MXRA7: variants seen among roughly 807,000 people sequenced by gnomAD.
MXRA7 encodes matrix remodeling associated 7, also known as matrix-remodeling-associated protein 7.
MXRA7 carries 18 observed loss-of-function variants against 17.4 expected under a neutral mutation model. That is an observed-to-expected ratio of 1.03 (90% CI 0.71 to 1.53). The LOEUF is 1.53. Among genes scored for constraint, MXRA7 ranks in the 40% most tolerant of loss-of-function variants. MXRA7 has a pLI of 0.00. For missense variants in MXRA7, 141 were observed against 209.3 expected (o/e 0.67, Z 2.01); for synonymous variants, 70 against 101.7 (o/e 0.69, Z 1.87).
intron 1 of MXRA7, among the ~76,000 whole-genome samples, chr17:76,697,260 G>A (rs1309923357): frequency 2.0e-5 from 3 of 152,208 alleles, no homozygotes; most frequent in African/African-American, 7.2e-5. Context: ...GAAAGACCAT[G>A]TGAGGAGGCG....
intron 1 of MXRA7, among the ~76,000 whole-genome samples, chr17:76,692,607 G>A (rs1278724640): frequency 6.7e-6 from 1 of 148,856 alleles, no homozygotes; most frequent in African/African-American, 2.5e-5. Flanking sequence ...GGTCAGGAAA[G>A]CAAATGAGAA....
downstream of MXRA7, among the ~76,000 whole-genome samples, chr17:76,678,645 C>T (rs991861176): frequency 2.6e-5 from 4 of 152,200 alleles, no homozygotes; most frequent in Non-Finnish European, 5.9e-5. Context: ...ATCACAGTGT[C>T]GGACCTCTCA....
At chr17:76,677,808 G>T, downstream of MXRA7, 1 of 728,500 alleles carries the variant, frequency 1.4e-6, no homozygotes, top group South Asian at 1.6e-5. Flanking sequence ...TCTCTTGTGT[G>T]ACTGCGGTTG....
chr17:76,673,190 A>G (rs756488042), exon 4 of MXRA7: 1 of 152,198 alleles, frequency 6.6e-6, no homozygotes, highest in Non-Finnish European at 1.5e-5. Context: ...CCAGAACAGG[A>G]TGTAATCTTG....
chr17:76,699,908 C>G (rs1466534106), intron 1 of MXRA7, among the ~76,000 whole-genome samples: 3 of 152,144 alleles, frequency 2.0e-5, no homozygotes, highest in Non-Finnish European at 4.4e-5. Flanking sequence ...TCCTGGGCTT[C>G]CATAAGACAC....
chr17:76,682,179 A>C (rs1490745955), intron 3 of MXRA7, among the ~76,000 whole-genome samples: 1 of 152,194 alleles, frequency 6.6e-6, no homozygotes, highest in African/African-American at 2.4e-5. Context: ...AATTGTCATG[A>C]GAGCCTGTGA....
chr17:76,683,900 G>A (rs1295235357), intron 3 of MXRA7: 1 of 1,614,144 alleles, frequency 6.2e-7, no homozygotes, highest in Non-Finnish European at 8.5e-7. Flanking sequence ...CTTGCTACAG[G>A]GAAGTGAGGT....
rs1476585431 is a variant in MXRA7, at chr17:76,681,188, G to A, written c.501-309C>T. On this transcript the variant is annotated intron_variant, in intron 3 of 3. Transcript: ENST00000449428. The surrounding 1 kb of genome is among the most constrained non-coding windows in gnomAD (Gnocchi z 4.7). ...GAACTTGGGCATTTGAGTTGCCAAGGGCCTTTCTGATCTTGGGTTGTGTGG... is the reference window on the plus strand; with the variant it reads ...GAACTTGGGCATTTGAGTTGCCAAGAGCCTTTCTGATCTTGGGTTGTGTGG... Among the ~76,000 whole-genome samples the A allele has an allele frequency of 6.6e-6, 1 of 152,146 alleles. No homozygotes were observed. Among genetic ancestry groups the A allele is most frequent in the Non-Finnish European group, 1.5e-5 (1 of 68,016 alleles).
At chr17:76,705,985 C>T (rs936994904) in intron 1 of MXRA7, among the ~76,000 whole-genome samples, 1 of 151,834 alleles carries the variant, frequency 6.6e-6, no homozygotes, top group African/African-American at 2.4e-5. Flanking sequence ...ACTGCCATCA[C>T]AAAGGCCCAC....
chr17:76,678,723 G>A (rs1453504666), downstream of MXRA7, among the ~76,000 whole-genome samples: 1 of 152,180 alleles, frequency 6.6e-6, no homozygotes, highest in Non-Finnish European at 1.5e-5. Flanking sequence ...CCTCAGCATA[G>A]CCCTGGGCCA....
chr17:76,686,868 T>C (rs2076404684), intron 2 of MXRA7, among the ~76,000 whole-genome samples: 1 of 145,218 alleles, frequency 6.9e-6, no homozygotes, highest in South Asian at 2.2e-4. Flanking sequence ...TTGCTAGAGA[T>C]GGCAGGAGGC....
At chr17:76,686,615 C>T (rs1217029401) in intron 2 of MXRA7, among the ~76,000 whole-genome samples, 1 of 152,198 alleles carries the variant, frequency 6.6e-6, no homozygotes, top group Admixed American at 6.5e-5. Flanking sequence ...GGATTTCGCT[C>T]AGTCACATGC....
chr17:76,673,465 T>G (rs1283181984), exon 4 of MXRA7: 2 of 152,214 alleles, frequency 1.3e-5, no homozygotes, highest in Non-Finnish European at 2.9e-5. Context: ...GCAGCCTGAT[T>G]CCATGTGGAC....
At position 76,704,781 on chromosome 17, in the gene MXRA7, C is replaced by CAAA. The variant is rs34446989; in HGVS notation, c.342+5821_342+5823dup. Among the ~76,000 whole-genome samples, 564 of 92,796 alleles carry CAAA rather than the reference C, an allele frequency of 6.1e-3. 10 individuals are homozygous for CAAA. Among genetic ancestry groups the CAAA allele is most frequent in the African/African-American group, 0.021 (477 of 22,900 alleles). The allele number at this position is 92,796 out of a possible 152,430, so 60.9% of individuals were successfully genotyped here. ...GGGCGACAAGAGCAAAACTCCGTCT[C>CAAA]AAAAAAAAAAAAAAAAAAAAGAATG... is the stretch of plus-strand genomic sequence containing the variant. On this transcript the variant is annotated intron_variant, in intron 1 of 3. Transcript: ENST00000449428.
chr17:76,710,264 G>A (rs71383083), intron 1 of MXRA7, among the ~76,000 whole-genome samples: 122,979 of 151,930 alleles, frequency 0.81, 51,872 homozygotes, highest in Non-Finnish European at 0.92. Context: ...TCAGAAGTGG[G>A]TGAGGAGCAA....
intron 2 of MXRA7, among the ~76,000 whole-genome samples, chr17:76,687,691 G>A (rs553114002): frequency 6.6e-6 from 1 of 152,374 alleles, no homozygotes; most frequent in Non-Finnish European, 1.5e-5. Context: ...GAAAGCAGGC[G>A]TGTGCCCTCC....
At chr17:76,683,167 C>T (rs1302998612) in intron 3 of MXRA7, among the ~76,000 whole-genome samples, 1 of 152,218 alleles carries the variant, frequency 6.6e-6, no homozygotes, top group African/African-American at 2.4e-5. Flanking sequence ...GTCCAGCCCC[C>T]TCTAGCCTCT....
chr17:76,688,651 C>A (rs2143623633), intron 1 of MXRA7: 1 of 1,239,242 alleles, frequency 8.1e-7, no homozygotes, highest in Non-Finnish European at 1.0e-6. Flanking sequence ...TGTCCATGTT[C>A]CCAAAACTGG....
chr17:76,700,991 T>G (rs1384366940), intron 1 of MXRA7, among the ~76,000 whole-genome samples: 1 of 151,704 alleles, frequency 6.6e-6, no homozygotes, highest in African/African-American at 2.4e-5. Context: ...AGTCTGTGGC[T>G]GTGGGGGGCT....
Sources: allele counts gnomAD v4.1 joint callset (sites outside exome capture counted in the v4.1 genomes callset), GRCh38; gene constraint gnomAD v4.1.1; non-coding constraint Gnocchi (gnomAD v3.1); transcripts MANE v1.5; gene names NCBI Gene and HGNC (gene_info 2026-07-23, HGNC 2026-07-21).